Variants in TIGD4 observed in about 807,000 individuals in gnomAD.
The protein encoded by TIGD4 is tigger transposable element derived 4.
In TIGD4, 20 loss-of-function variants were observed where a neutral mutation model predicts 24.9. That is an observed-to-expected ratio of 0.80 (90% CI 0.56 to 1.17). The LOEUF (loss-of-function observed/expected upper bound fraction) is 1.17. TIGD4 is among the 50% of genes most tolerant of loss of function. The pLI is 0.00. For synonymous variants in TIGD4, 193 were observed against 211.0 expected (o/e 0.91, Z 0.74); for missense variants, 566 against 591.0 (o/e 0.96, Z 0.44).
chr4:152,773,819 A>G (rs866267947), intron 1 of TIGD4, among the ~76,000 whole-genome samples: 1 of 152,126 alleles, frequency 6.6e-6, no homozygotes, highest in East Asian at 1.9e-4. Context: ...ATCTCTTCTT[A>G]TATTTTCCTA....
In TIGD4 at chr4:152,770,943, A is replaced by T; in HGVS notation, c.62T>A (p.Leu21Gln). The stretch of plus-strand genomic sequence containing the variant: ...GATGTCGATCTTTTCCTCAATGGAT[A>T]GGCTTTTCTTTTTCTTCACTGTTAC... ...LPVTVKKKKSLSIEEKIDIIN... is the reference protein window; with the variant it reads ...LPVTVKKKKSQSIEEKIDIIN... The change falls in exon 2 of 2, where the codon CTA becomes CAA. Residue 21 changes from leucine to glutamine, a missense_variant. Physicochemically the swap from Leu to Gln is moderately radical, Grantham distance 113. Transcript: ENST00000304337. 1 of 1,612,716 alleles carries T rather than the reference A, an allele frequency of 6.2e-7. No individual in the cohort carries two copies. Among genetic ancestry groups the T allele is most frequent in the Non-Finnish European group, 8.5e-7 (1 of 1,179,704 alleles).
chr4:152,779,672 T>A lies in TIGD4; in HGVS notation c.-729A>T, dbSNP rs1730357158. On this transcript the variant is annotated 5_prime_UTR_variant, in exon 1 of 2. Coordinates refer to ENST00000304337, the MANE Select transcript of TIGD4 (RefSeq NM_145720.4). ...AGGCCTCCTGGAGACCTTCGACCTC[T>A]CAAGACCAGGCAGGGGCGCCCTTCC... is the stretch of plus-strand genomic sequence containing the variant. The A allele has an allele frequency of 6.6e-6, 1 of 152,354 alleles. No individual in the cohort carries two copies. Among genetic ancestry groups the A allele is most frequent in the Admixed American group, 6.5e-5 (1 of 15,294 alleles). The allele number at this position is 152,354 out of a possible 1,614,324, so 9.4% of individuals were successfully genotyped here.
intron 1 of TIGD4, among the ~76,000 whole-genome samples, chr4:152,771,826 G>C (rs376223422): frequency 3.9e-4 from 60 of 152,064 alleles, no homozygotes; most frequent in Middle Eastern, 6.8e-3. Flanking sequence ...TGAAAATGTG[G>C]GCTTACCAAA....
At chr4:152,777,586 A>G (rs1489140158) in intron 1 of TIGD4, among the ~76,000 whole-genome samples, 2 of 140,346 alleles carry the variant, frequency 1.4e-5, no homozygotes, top group South Asian at 2.7e-4. Flanking sequence ...AAAAGGAAGG[A>G]AGGGAGGGAG....
chr4:152,770,133 G>A lies in TIGD4; in HGVS notation c.872C>T (p.Pro291Leu). The A allele has an allele frequency of 6.2e-7, 1 of 1,614,036 alleles. No homozygotes were observed. The highest frequency in any genetic ancestry group is 8.5e-7 in the Non-Finnish European group (1 of 1,179,944). Residue 291 changes from proline to leucine, a missense_variant, in exon 2 of 2, where the codon CCA becomes CTA. Transcript: ENST00000304337. ...RRVVIFVESF[P>L]AHPEVKNLKS... ...TAGGTTCTTTACCTCTGGATGTGCTGGAAAAGACTCAACAAAAATCACCAC... is the reference window on the plus strand; with the variant it reads ...TAGGTTCTTTACCTCTGGATGTGCTAGAAAAGACTCAACAAAAATCACCAC...
intron 1 of TIGD4, 135 bp downstream of exon 1, chr4:152,779,347 C>G (rs931945171): frequency 6.6e-6 from 1 of 152,218 alleles, no homozygotes; most frequent in East Asian, 1.9e-4. Flanking sequence ...ATGCCGGGCC[C>G]GGGGGTCTAG....
At chr4:152,778,296 T>G (rs1288634758) in intron 1 of TIGD4, among the ~76,000 whole-genome samples, 1 of 152,184 alleles carries the variant, frequency 6.6e-6, no homozygotes, top group Non-Finnish European at 1.5e-5. Context: ...ATTGTCCACA[T>G]CATTCAAGCA....
At position 152,770,990 on chromosome 4, in the gene TIGD4, A is replaced by G; in HGVS notation, c.15T>C (p.Ser5=). Residue 5 remains serine, a synonymous_variant, in exon 2 of 2, where the codon TCT becomes TCC. Coordinates refer to ENST00000304337, the MANE Select transcript of TIGD4 (RefSeq NM_145720.4). ...TTACAGGCAGAGTTGAGGCATCCAC[A>G]GAAGCTTCTGCCATCTCAGCCAGTG... The part of the protein sequence containing the change: MAEA[S]VDASTLPVTV... 6.2e-7 allele frequency: 1 copy of G among 1,601,176 alleles called. No homozygotes were observed. Among genetic ancestry groups the G allele is most frequent in the Non-Finnish European group, 8.5e-7 (1 of 1,176,552 alleles).
intron 1 of TIGD4, among the ~76,000 whole-genome samples, chr4:152,776,457 T>C (rs993817191): frequency 6.6e-6 from 1 of 151,994 alleles, no homozygotes; most frequent in Non-Finnish European, 1.5e-5. Context: ...AAAATCAGTA[T>C]CAGAAAACAT....
rs375124951 is a variant in TIGD4, at chr4:152,769,461, C to T, written c.*5G>A. 4.5e-5 allele frequency: 68 copies of T among 1,498,866 alleles called. No individual in the cohort carries two copies. Among genetic ancestry groups the T allele is most frequent in the Non-Finnish European group, 5.6e-5 (62 of 1,112,566 alleles). The allele number at this position is 1,498,866 out of a possible 1,614,324, so 92.8% of individuals were successfully genotyped here. A position where few individuals can be genotyped will look rare whatever the true frequency, so the allele number is the denominator to read the frequency against. On this transcript the variant is annotated 3_prime_UTR_variant, in exon 2 of 2. Coordinates refer to ENST00000304337, the MANE Select transcript of TIGD4 (RefSeq NM_145720.4). The stretch of plus-strand genomic sequence containing the variant: ...GCTATTACTCTTTAGATGTACAATA[C>T]ATAGTTACTTAGGTGATAAAGAGTT...
rs1730146461 is a variant in TIGD4 at position 152,770,420 on chromosome 4, A to G, written c.585T>C (p.Asn195=). Residue 195 remains asparagine (N), a synonymous_variant, in exon 2 of 2, where the codon AAT becomes AAC. Transcript: ENST00000304337. ...TGLLYRMLPT[N]TFAFKGETCS... ...ATGTTTCGCCTTTAAATGCAAATGT[A>G]TTGGTAGGTAACATTCGATAAAGCA... is the stretch of plus-strand genomic sequence containing the variant. The G allele has an allele frequency of 5.6e-6, 9 of 1,614,002 alleles. No individual in the cohort carries two copies. The highest frequency in any genetic ancestry group is 1.3e-5 in the African/African-American group (1 of 74,952).
At position 152,779,461 on chromosome 4, in the gene TIGD4, TC is replaced by T. The variant is rs1561088405; in HGVS notation, c.-539+20del. 6.6e-6 allele frequency: 1 copy of T among 151,450 alleles called. No individual in the cohort carries two copies. Among genetic ancestry groups the T allele is most frequent in the Non-Finnish European group, 1.5e-5 (1 of 67,960 alleles). The allele number at this position is 151,450 out of a possible 1,614,324, so 9.4% of individuals were successfully genotyped here. Reference sequence around the variant, plus strand: ...CGCATTCTCCCTACCACCCCCACCTTCCCCCCGGGACTGGAATAACCTTCTT... The same window carrying T: ...CGCATTCTCCCTACCACCCCCACCTTCCCCCGGGACTGGAATAACCTTCTT... On this transcript the variant is annotated intron_variant, in intron 1 of 1. Transcript: ENST00000304337.
chr4:152,777,757 A>T (rs1730282691), intron 1 of TIGD4, among the ~76,000 whole-genome samples: 1 of 152,056 alleles, frequency 6.6e-6, no homozygotes, highest in Non-Finnish European at 1.5e-5. Flanking sequence ...GCTTAAAATG[A>T]TGTTTTTCAG....
At chr4:152,778,177 T>G (rs1384437312) in intron 1 of TIGD4, among the ~76,000 whole-genome samples, 1 of 152,166 alleles carries the variant, frequency 6.6e-6, no homozygotes, top group African/African-American at 2.4e-5. Flanking sequence ...CTTCAGAGTC[T>G]GACAGTCTAA....
Position 152,770,037 on chromosome 4 carries a change from A to G in TIGD4, c.968T>C (p.Ile323Thr). ...SKCIAMKQGV[I>T]KSLKIKYRHC... Reference sequence around the variant, plus strand: ...TCGATATTTGATTTTAAGGCTTTTAATAACACCTTGTTTCATAGCTATACA... The same window carrying G: ...TCGATATTTGATTTTAAGGCTTTTAGTAACACCTTGTTTCATAGCTATACA... The change falls in exon 2 of 2, where the codon ATT (isoleucine) becomes ACT (threonine). Residue 323 changes from isoleucine to threonine, a missense_variant. Coordinates refer to ENST00000304337, the MANE Select transcript of TIGD4 (RefSeq NM_145720.4). The G allele has an allele frequency of 1.2e-6, 2 of 1,612,628 alleles. No individual in the cohort carries two copies. Among genetic ancestry groups the G allele is most frequent in the Admixed American group, 1.7e-5 (1 of 59,874 alleles).
intron 1 of TIGD4, among the ~76,000 whole-genome samples, chr4:152,775,319 A>T (rs1360463244): frequency 6.6e-6 from 1 of 152,212 alleles, no homozygotes; most frequent in Non-Finnish European, 1.5e-5. Flanking sequence ...CACAAACTCA[A>T]TGCCTTAAAA....
Position 152,770,887 on chromosome 4 carries a change from C to CT in TIGD4, c.117dup (p.Ala40SerfsTer6), listed in dbSNP as rs767175838. The CT allele has an allele frequency of 6.2e-7, 1 of 1,613,936 alleles. No homozygotes were observed. Among genetic ancestry groups the CT allele is most frequent in the Non-Finnish European group, 8.5e-7 (1 of 1,179,916 alleles). ...ATTCCATATTCAGCAGCAATCTCTG[C>CT]TTTTTTCTTGCCACTTTCCACTGCA... is the stretch of plus-strand genomic sequence containing the variant. On this transcript the variant is annotated frameshift_variant, in exon 2 of 2. Transcript: ENST00000304337. LOFTEE classifies it high-confidence loss of function.
At position 152,769,667 on chromosome 4, in the gene TIGD4, C is replaced by T. The variant is rs1205371157; in HGVS notation, c.1338G>A (p.Ser446=). The change falls in exon 2 of 2, where the codon TCG becomes TCA. Residue 446 remains serine, a synonymous_variant. Transcript: ENST00000304337. ...GDSICTKESK[S]DETGFYTSDE... ...CAGAAGTGTAAAATCCAGTTTCATC[C>T]GATTTACTTTCTTTGGTGCATATGG... 6 of 1,612,932 alleles carry T rather than the reference C, an allele frequency of 3.7e-6. No individual in the cohort carries two copies. Among genetic ancestry groups the T allele is most frequent in the East Asian group, 2.2e-5 (1 of 44,874 alleles).
At chr4:152,776,099 A>G (rs1730256040) in intron 1 of TIGD4, among the ~76,000 whole-genome samples, 1 of 152,252 alleles carries the variant, frequency 6.6e-6, no homozygotes, top group Non-Finnish European at 1.5e-5. Context: ...ATTAAGTGAA[A>G]AAAGCAAAAT....
Sources: allele counts gnomAD v4.1 joint callset (sites outside exome capture counted in the v4.1 genomes callset), GRCh38; gene constraint gnomAD v4.1.1; transcripts MANE v1.5; gene names NCBI Gene and HGNC (gene_info 2026-07-23, HGNC 2026-07-21).